The following CHCHD6 variants were observed in gnomAD, a reference collection of about 807,000 sequenced individuals.
The protein encoded by CHCHD6 is coiled-coil-helix-coiled-coil-helix domain containing 6.
A neutral mutation model predicts 32.3 loss-of-function variants in CHCHD6; 28 were observed. The observed-to-expected ratio is 0.87, with a 90% CI of 0.64 to 1.19. CHCHD6 has a LOEUF of 1.19. Ranked by LOEUF, CHCHD6 falls within the 50% of genes most tolerant of loss-of-function variation. The pLI, the probability that CHCHD6 is intolerant of heterozygous loss-of-function variation, is 0.00. For synonymous variants in CHCHD6, 122 were observed against 117.5 expected (o/e 1.04, Z -0.25); for missense variants, 333 against 307.0 (o/e 1.08, Z -0.63).
At chr3:126,869,333 G>A (rs73205613) in intron 5 of CHCHD6, among the ~76,000 whole-genome samples, 13,392 of 131,334 alleles carry the variant, frequency 0.1, 807 homozygotes, top group Middle Eastern at 0.25. Context: ...GGGGATTACC[G>A]TTATTTAATC....
intron 6 of CHCHD6, among the ~76,000 whole-genome samples, chr3:126,951,077 G>A (rs1455991684): frequency 1.3e-5 from 2 of 152,176 alleles, no homozygotes; most frequent in East Asian, 3.9e-4. Context: ...AAGGAAGGAA[G>A]GTAATTGGAT....
intron 5 of CHCHD6, among the ~76,000 whole-genome samples, chr3:126,913,626 C>G (rs1469635837): frequency 6.6e-6 from 1 of 152,172 alleles, no homozygotes; most frequent in East Asian, 1.9e-4. Context: ...CGGGCCCTGC[C>G]CCACCTCAGG....
intron 4 of CHCHD6, among the ~76,000 whole-genome samples, chr3:126,848,245 T>C (rs1203885424): frequency 6.6e-6 from 1 of 152,232 alleles, no homozygotes; most frequent in Non-Finnish European, 1.5e-5. Context: ...TTGTCTTCTA[T>C]TACTACATTC....
chr3:126,884,857 C>G (rs2077657927), intron 5 of CHCHD6, among the ~76,000 whole-genome samples: 1 of 152,186 alleles, frequency 6.6e-6, no homozygotes, highest in South Asian at 2.1e-4. Context: ...ATTGGAAAGT[C>G]ACCATTCTCT....
intron 6 of CHCHD6, among the ~76,000 whole-genome samples, chr3:126,920,082 A>G (rs1010199782): frequency 1.3e-5 from 2 of 151,982 alleles, no homozygotes; most frequent in African/African-American, 4.8e-5. Flanking sequence ...TCCATGCTAT[A>G]GTTGGAGTTC....
At chr3:126,948,342 T>C (rs2078668788) in intron 6 of CHCHD6, among the ~76,000 whole-genome samples, 1 of 152,254 alleles carries the variant, frequency 6.6e-6, no homozygotes, top group South Asian at 2.1e-4. Context: ...CCTAGGCTGC[T>C]GGTGGTGCTG....
At chr3:126,788,969 A>AT (rs1290302318) in intron 4 of CHCHD6, among the ~76,000 whole-genome samples, 1 of 152,086 alleles carries the variant, frequency 6.6e-6, no homozygotes, top group Non-Finnish European at 1.5e-5. Flanking sequence ...AGTGCTATAA[A>AT]TTTCCCTCTA....
chr3:126,887,172 A>C (rs2077690116), intron 5 of CHCHD6, among the ~76,000 whole-genome samples: 1 of 152,132 alleles, frequency 6.6e-6, no homozygotes, highest in Non-Finnish European at 1.5e-5. Context: ...GATAGTCAGC[A>C]AGGCCAGAAT....
chr3:126,794,925 A>G (rs912807293), intron 4 of CHCHD6, among the ~76,000 whole-genome samples: 1 of 152,236 alleles, frequency 6.6e-6, no homozygotes, highest in African/African-American at 2.4e-5. Context: ...AAATGTGGGA[A>G]ACTGAGCTGT....
At chr3:126,849,491 G>A (rs1018163818) in intron 4 of CHCHD6, among the ~76,000 whole-genome samples, 7 of 152,228 alleles carry the variant, frequency 4.6e-5, no homozygotes, top group African/African-American at 1.7e-4. Flanking sequence ...GTTGACTGGA[G>A]GAGGTCCTTG....
At chr3:126,863,528 C>A (rs1350351227) in intron 5 of CHCHD6, among the ~76,000 whole-genome samples, 12 of 132,632 alleles carry the variant, frequency 9.0e-5, no homozygotes, top group East Asian at 7.7e-4. Context: ...TCCACCATCA[C>A]CACCTCCTCC....
chr3:126,861,647 C>T (rs1420044833), intron 5 of CHCHD6, among the ~76,000 whole-genome samples: 2 of 150,470 alleles, frequency 1.3e-5, no homozygotes, highest in African/African-American at 4.9e-5. Flanking sequence ...ACTACCATCA[C>T]CACCTCCCCC....
chr3:126,939,480 G>A (rs1421097734), intron 6 of CHCHD6, among the ~76,000 whole-genome samples: 2 of 152,190 alleles, frequency 1.3e-5, no homozygotes, highest in Non-Finnish European at 2.9e-5. Flanking sequence ...CTTTTAGCCT[G>A]TGTGTGTTTG....
intron 1 of CHCHD6, among the ~76,000 whole-genome samples, chr3:126,713,672 A>G (rs757325198): frequency 1.3e-5 from 2 of 152,070 alleles, no homozygotes; most frequent in Admixed American, 6.5e-5. Context: ...TTTCTGCCCC[A>G]TGAACAGGGG....
At chr3:126,957,106 G>A (rs1204143114) in intron 6 of CHCHD6, 2 of 436,228 alleles carry the variant, frequency 4.6e-6, no homozygotes, top group Non-Finnish European at 8.5e-6. Context: ...CCTCCAGTGG[G>A]GCTTTCCTGT....
intron 4 of CHCHD6, among the ~76,000 whole-genome samples, chr3:126,819,954 C>A (rs1940080219): frequency 6.6e-6 from 1 of 152,208 alleles, no homozygotes; most frequent in South Asian, 2.1e-4. Flanking sequence ...GGCTTTGTTT[C>A]ATCATAGGAA....
chr3:126,814,976 G>A (rs1218488271), intron 4 of CHCHD6, among the ~76,000 whole-genome samples: 1 of 152,212 alleles, frequency 6.6e-6, no homozygotes, highest in Non-Finnish European at 1.5e-5. Flanking sequence ...TACCCAGCTA[G>A]CGTCTGCTGT....
At chr3:126,773,524 A>G (rs186266745) in intron 4 of CHCHD6, among the ~76,000 whole-genome samples, 5 of 151,770 alleles carry the variant, frequency 3.3e-5, no homozygotes, top group Admixed American at 3.3e-4. Context: ...TTCTTTATTC[A>G]GCATTCTCTT....
intron 1 of CHCHD6, among the ~76,000 whole-genome samples, chr3:126,723,655 A>G (rs546784292): frequency 3.5e-4 from 53 of 152,240 alleles, no homozygotes; most frequent in African/African-American, 1.2e-3. Flanking sequence ...ATAAAATTCT[A>G]TAGGATGTAT....
Sources: gnomAD v4.1 joint callset for allele counts (sites outside exome capture counted in the v4.1 genomes callset) on GRCh38, gnomAD v4.1.1 for gene constraint, MANE v1.5 for transcripts, NCBI Gene and HGNC (gene_info 2026-07-23, HGNC 2026-07-21) for gene names.